The following ANKRD30BL variants were observed in gnomAD, a reference collection of about 807,000 sequenced individuals.
ANKRD30BL encodes putative ankyrin repeat domain-containing protein 30B-like.
Under a neutral mutation model 18.4 loss-of-function variants are expected in ANKRD30BL, and 20 were observed. The ratio of observed to expected loss-of-function variants is 1.09; its 90% CI spans 0.77 to 1.58. ANKRD30BL has a LOEUF of 1.58. Among genes scored for constraint, ANKRD30BL ranks in the 40% most tolerant of loss-of-function variants. The pLI is 0.00. For synonymous variants in ANKRD30BL, 72 were observed against 100.9 expected, an observed-to-expected ratio of 0.71 and a Z score of 1.72; for missense variants, 224 against 268.6, an observed-to-expected ratio of 0.83 and a Z score of 1.16.
chr2:132,226,171 C>T (rs113030043), intron 1 of ANKRD30BL, among the ~76,000 whole-genome samples: 3,472 of 151,310 alleles, frequency 0.023, 62 homozygotes, highest in African/African-American at 0.049. Flanking sequence ...TCGTTGGAAA[C>T]GGGAATATCT....
intron 1 of ANKRD30BL, among the ~76,000 whole-genome samples, chr2:132,225,913 C>T (rs966644666): frequency 2.6e-5 from 4 of 151,940 alleles, no homozygotes; most frequent in Admixed American, 6.6e-5. Flanking sequence ...AGAGTTGAAC[C>T]TTTCTTTTGA....
intron 1 of ANKRD30BL, among the ~76,000 whole-genome samples, chr2:132,219,165 G>A (rs570866381): frequency 2.0e-5 from 3 of 152,050 alleles, no homozygotes; most frequent in East Asian, 1.9e-4. Context: ...CTAGACAGAA[G>A]CATTCTCAGA....
chr2:132,175,403 C>T (rs574094391), intron 1 of ANKRD30BL, among the ~76,000 whole-genome samples: 1 of 152,356 alleles, frequency 6.6e-6, no homozygotes, highest in Admixed American at 6.5e-5. Context: ...AACAATAAAG[C>T]AGCATTGCTG....
At chr2:132,204,455 G>A (rs62161725) in intron 1 of ANKRD30BL, among the ~76,000 whole-genome samples, 3 of 150,318 alleles carry the variant, frequency 2.0e-5, no homozygotes, top group Non-Finnish European at 4.4e-5. Flanking sequence ...CATACATATA[G>A]TGTGTATGTA....
chr2:132,245,546 C>T (rs79963859), intron 1 of ANKRD30BL, among the ~76,000 whole-genome samples: 1 of 152,272 alleles, frequency 6.6e-6, no homozygotes, highest in Non-Finnish European at 1.5e-5. Flanking sequence ...TTTTGAAACA[C>T]TCTTTTTGTT....
chr2:132,254,824 G>A (rs1214274768), intron 1 of ANKRD30BL, among the ~76,000 whole-genome samples: 8 of 152,212 alleles, frequency 5.3e-5, no homozygotes, highest in African/African-American at 1.7e-4. Flanking sequence ...CCAGAGTCTC[G>A]TTCGTTATTG....
intron 1 of ANKRD30BL, among the ~76,000 whole-genome samples, chr2:132,179,801 G>T (rs1322247290): frequency 2.0e-5 from 3 of 152,046 alleles, no homozygotes; most frequent in African/African-American, 7.2e-5. Flanking sequence ...TCCTGACCCT[G>T]TATAGGCCTA....
At chr2:132,191,455 C>G (rs1274497362) in intron 1 of ANKRD30BL, among the ~76,000 whole-genome samples, 1 of 151,990 alleles carries the variant, frequency 6.6e-6, no homozygotes, top group Non-Finnish European at 1.5e-5. Context: ...GTTTAACTGC[C>G]AAACTGCAAT....
upstream of ANKRD30BL, among the ~76,000 whole-genome samples, chr2:132,165,622 C>T (rs940448741): frequency 1.3e-5 from 2 of 151,182 alleles, no homozygotes; most frequent in East Asian, 3.9e-4. Flanking sequence ...ACTCTGGAGG[C>T]GAGGCAGGAG....
chr2:132,246,918 G>A (rs989572828), intron 1 of ANKRD30BL, among the ~76,000 whole-genome samples: 3 of 152,112 alleles, frequency 2.0e-5, no homozygotes, highest in South Asian at 4.1e-4. Context: ...CACTCTTTTT[G>A]TAGTATCTGC....
At position 132,154,731 on chromosome 2, in the gene ANKRD30BL, C is replaced by T. The variant is rs754507673; in HGVS notation, c.545G>A (p.Arg182Lys). The change falls in exon 4 of 6, where the codon AGA (arginine) becomes AAA (lysine). Residue 182 changes from arginine to lysine, a missense_variant. Physicochemically the swap from Arg to Lys is conservative, Grantham distance 26 (BLOSUM62 2). Coordinates refer to ENST00000409867, the MANE Select transcript of ANKRD30BL (RefSeq NM_001358416.1). ...HTPLLLAIRK[R>K]SEEIVEFLLT... The stretch of plus-strand genomic sequence containing the variant: ...TAAAAATTCCACAATTTCCTCACTT[C>T]TTTTCCTTATGGCCAGTAAAAGTGG... 27 of 732,116 alleles carry T rather than the reference C, an allele frequency of 3.7e-5. No homozygotes were observed. The highest frequency in any genetic ancestry group is 6.1e-5 in the Non-Finnish European group (24 of 391,904). The allele number at this position is 732,116 out of a possible 1,614,324, so 45.4% of individuals were successfully genotyped here.
chr2:132,215,204 G>A lies in ANKRD30BL; in HGVS notation n.441+42325C>T, dbSNP rs529339767. Among the ~76,000 whole-genome samples, 3 of 152,278 alleles carry A rather than the reference G, an allele frequency of 2.0e-5. No homozygotes were observed. The South Asian group carries it at 6.2e-4, about 32-fold the overall frequency. ...ATCTTCACATAAGCACTAGACAGAA[G>A]CATTCTGAGAAACATCTTTGTGATG... On this transcript the variant is annotated intron_variant and non_coding_transcript_variant, in intron 1 of 4. Coordinates refer to the ANKRD30BL transcript ENST00000470729.
intron 1 of ANKRD30BL, among the ~76,000 whole-genome samples, chr2:132,217,971 A>T (rs71180481): frequency 6.6e-6 from 1 of 151,718 alleles, no homozygotes; most frequent in African/African-American, 2.4e-5. Flanking sequence ...AGACAGAAGC[A>T]TTCTCAGAAA....
At chr2:132,215,577 C>T (rs1177708977) in intron 1 of ANKRD30BL, among the ~76,000 whole-genome samples, 3 of 152,086 alleles carry the variant, frequency 2.0e-5, no homozygotes, top group African/African-American at 7.2e-5. Flanking sequence ...GTGATGTATG[C>T]ATTCATCTCA....
At chr2:132,217,441 A>AAAATATAGACAGAATCATTTTCAGAAACT (rs1679537695) in intron 1 of ANKRD30BL, among the ~76,000 whole-genome samples, 1 of 152,046 alleles carries the variant, frequency 6.6e-6, no homozygotes, top group Non-Finnish European at 1.5e-5. Flanking sequence ...GTCCTCACAT[A>AAAATATAGACAGAATCATTTTCAGAAACT]AAATATAGAC....
chr2:132,155,515 G>T (rs1430499686), intron 3 of ANKRD30BL: 1 of 152,050 alleles, frequency 6.6e-6, no homozygotes, highest in Non-Finnish European at 1.5e-5. Context: ...AAAGAGATTG[G>T]CTTCAAATAA....
chr2:132,204,313 C>T (rs546597159), intron 1 of ANKRD30BL, among the ~76,000 whole-genome samples: 1,851 of 151,778 alleles, frequency 0.012, 1 homozygote, highest in African/African-American at 0.042. Context: ...CTCTCAATAT[C>T]AGTGATTTTG....
At chr2:132,237,428 C>T (rs545933007) in intron 1 of ANKRD30BL, among the ~76,000 whole-genome samples, 2 of 152,026 alleles carry the variant, frequency 1.3e-5, no homozygotes, top group Admixed American at 6.6e-5. Context: ...TTGAGGATTT[C>T]GTTGGAAACG....
intron 1 of ANKRD30BL, among the ~76,000 whole-genome samples, chr2:132,174,855 C>T (rs543552202): frequency 3.9e-5 from 6 of 152,294 alleles, no homozygotes; most frequent in East Asian, 3.9e-4. Context: ...ATCTTGCTTG[C>T]TATGGGCTTT....
Sources: gnomAD v4.1 joint callset for allele counts (sites outside exome capture counted in the v4.1 genomes callset) on GRCh38, gnomAD v4.1.1 for gene constraint, MANE v1.5 for transcripts, NCBI Gene and HGNC (gene_info 2026-07-23, HGNC 2026-07-21) for gene names.